AUTS2: variants seen among roughly 807,000 people sequenced by gnomAD.
AUTS2 encodes the protein activator of transcription and developmental regulator AUTS2.
Under a neutral mutation model 112.4 loss-of-function variants are expected in AUTS2, and 17 were observed. The observed-to-expected ratio is 0.15, with a 90% CI of 0.10 to 0.23. AUTS2 has a LOEUF of 0.23. Among genes scored for constraint, AUTS2 ranks in the 10% least tolerant of loss-of-function variants. AUTS2 has a pLI of 1.00. For missense variants in AUTS2, 1,510 were observed against 1,701.6 expected (o/e 0.89, Z 1.98); for synonymous variants, 751 against 702.7 (o/e 1.07, Z -1.09).
chr7:70,763,134 C>T lies in AUTS2; in HGVS notation c.1007C>T (p.Pro336Leu), dbSNP rs758874739. The T allele has an allele frequency of 3.1e-6, 5 of 1,614,028 alleles. No homozygotes were observed. The Admixed American group carries it at 5.0e-5, about 16-fold the overall frequency. Residue 336 changes from proline (P) to leucine (L), a missense_variant, in exon 7 of 19, where the codon CCT becomes CTT. Transcript: ENST00000342771. ...ACAGAGGCCCCACCTCAACCCCCACCTCTGAGTACACAGCCACCACAGGGC... is the reference window on the plus strand; with the variant it reads ...ACAGAGGCCCCACCTCAACCCCCACTTCTGAGTACACAGCCACCACAGGGC... ...QRTEAPPQPP[P>L]LSTQPPQGPP...
intron 2 of AUTS2, among the ~76,000 whole-genome samples, chr7:70,005,202 A>G (rs948161197): frequency 6.6e-6 from 1 of 151,664 alleles, no homozygotes; most frequent in African/African-American, 2.4e-5. Context: ...AACCTGTGAT[A>G]TTTTTTTCTT....
At chr7:69,646,130 A>G (rs1046679299) in intron 1 of AUTS2, among the ~76,000 whole-genome samples, 4 of 152,100 alleles carry the variant, frequency 2.6e-5, no homozygotes, top group African/African-American at 7.2e-5. Context: ...GGGGGTAGGG[A>G]AAGGCCCCCT....
chr7:70,103,076 T>C (rs1804585417), intron 2 of AUTS2, among the ~76,000 whole-genome samples: 1 of 152,244 alleles, frequency 6.6e-6, no homozygotes, highest in South Asian at 2.1e-4. Context: ...TATATCTGTT[T>C]GCTAATTGCT....
At chr7:70,108,993 A>G (rs1442522848) in intron 2 of AUTS2, among the ~76,000 whole-genome samples, 1 of 152,062 alleles carries the variant, frequency 6.6e-6, no homozygotes, top group Non-Finnish European at 1.5e-5. Flanking sequence ...TAGGATGACA[A>G]GGTGTTCCAG....
chr7:69,830,354 A>T (rs1477782801), intron 1 of AUTS2, among the ~76,000 whole-genome samples: 1 of 152,190 alleles, frequency 6.6e-6, no homozygotes, highest in African/African-American at 2.4e-5. Context: ...ACCTATGATT[A>T]CATAGGTATA....
chr7:69,672,287 G>A (rs1295456946), intron 1 of AUTS2, among the ~76,000 whole-genome samples: 1 of 151,954 alleles, frequency 6.6e-6, no homozygotes, highest in Non-Finnish European at 1.5e-5. Context: ...TCGAACTCCC[G>A]ACCTCAGGTG....
chr7:70,271,791 C>T (rs958013575), intron 4 of AUTS2, among the ~76,000 whole-genome samples: 1 of 148,700 alleles, frequency 6.7e-6, no homozygotes, highest in Non-Finnish European at 1.5e-5. Flanking sequence ...GTATGAGTCA[C>T]CACAATTTAT....
At chr7:70,748,169 T>G (rs1017143106) in intron 6 of AUTS2, among the ~76,000 whole-genome samples, 10 of 152,146 alleles carry the variant, frequency 6.6e-5, no homozygotes, top group African/African-American at 1.9e-4. Flanking sequence ...CCATCCTCAC[T>G]GCTTTCTAAA....
chr7:70,425,765 A>T (rs937376805), intron 4 of AUTS2, among the ~76,000 whole-genome samples: 2 of 152,234 alleles, frequency 1.3e-5, no homozygotes, highest in Non-Finnish European at 2.9e-5. Flanking sequence ...TATTCTATCT[A>T]GACTAGAGCC....
intron 4 of AUTS2, among the ~76,000 whole-genome samples, chr7:70,286,704 A>G (rs539675107): frequency 2.0e-5 from 3 of 152,340 alleles, no homozygotes; most frequent in Non-Finnish European, 4.4e-5. Flanking sequence ...ATAAGTGAAG[A>G]GTGGTAGATC....
intron 6 of AUTS2, among the ~76,000 whole-genome samples, chr7:70,740,467 C>T (rs10950213): frequency 2.4e-4 from 36 of 152,064 alleles, no homozygotes; most frequent in Admixed American, 7.9e-4. Flanking sequence ...CATTATGGCT[C>T]TTTATGTCTT....
At chr7:70,375,123 A>G (rs1793026070) in intron 4 of AUTS2, among the ~76,000 whole-genome samples, 1 of 152,214 alleles carries the variant, frequency 6.6e-6, no homozygotes, top group South Asian at 2.1e-4. Context: ...TTCAAGCTTA[A>G]CACTTTCAGA....
intron 4 of AUTS2, among the ~76,000 whole-genome samples, chr7:70,319,890 G>T (rs956276376): frequency 1.9e-4 from 29 of 152,222 alleles, no homozygotes; most frequent in African/African-American, 5.8e-4. Context: ...CCAGACAAAA[G>T]AATACGTAAA....
At chr7:70,001,281 A>G (rs1306459730) in intron 2 of AUTS2, among the ~76,000 whole-genome samples, 1 of 152,028 alleles carries the variant, frequency 6.6e-6, no homozygotes, top group Non-Finnish European at 1.5e-5. Context: ...GTGTGCCACC[A>G]CGCCTATCTA....
chr7:70,712,275 G>A (rs1205442213), intron 6 of AUTS2, among the ~76,000 whole-genome samples: 2 of 131,868 alleles, frequency 1.5e-5, no homozygotes, highest in East Asian at 4.5e-4. Context: ...TCGAACTCCT[G>A]AGCTCAAAAT....
chr7:70,045,144 T>C lies in AUTS2; in HGVS notation c.523-72988T>C, dbSNP rs117079032. Among the ~76,000 whole-genome samples the C allele has an allele frequency of 6.2e-3, 948 of 152,260 alleles. 6 individuals are homozygous for C. The highest frequency in any genetic ancestry group is 0.024 in the South Asian group (116 of 4,814). ...AGAAGGTATTACATAGATGTGATCT[T>C]TTTCATTGTAGTTTAAAGAAGATAG... is the stretch of plus-strand genomic sequence containing the variant. On this transcript the variant is annotated intron_variant, in intron 2 of 18. Transcript: ENST00000342771.
chr7:69,724,377 G>T (rs1786397844), intron 1 of AUTS2, among the ~76,000 whole-genome samples: 2 of 152,188 alleles, frequency 1.3e-5, no homozygotes, highest in Non-Finnish European at 2.9e-5. Flanking sequence ...TTTCAAAGAA[G>T]TTCTTGTTCA....
intron 1 of AUTS2, among the ~76,000 whole-genome samples, chr7:69,651,957 T>G (rs1168051858): frequency 1.3e-5 from 2 of 152,158 alleles, no homozygotes; most frequent in African/African-American, 4.8e-5. Context: ...TTTTCTTTAG[T>G]TTTTAGATTA....
rs1796051377 is a variant in AUTS2, at chr7:69,927,186, T to TA, written c.522+27688_522+27689insA. 7.0e-5 allele frequency among the ~76,000 whole-genome samples: 10 copies of TA among 142,400 alleles called. 1 individual carries two copies. The highest frequency in any genetic ancestry group is 1.8e-4 in the African/African-American group (7 of 39,204). 93.4% of individuals were successfully genotyped at this position (142,400 alleles called of 152,430 possible). On this transcript the variant is annotated intron_variant, in intron 2 of 18. Coordinates refer to ENST00000342771, the MANE Select transcript of AUTS2 (RefSeq NM_015570.4). ...TTGAATGGAAAATACTCCAATATAT[T>TA]TATATATATATATATATATACATAC... is the stretch of plus-strand genomic sequence containing the variant.
Sources: gnomAD v4.1 joint callset for allele counts (sites outside exome capture counted in the v4.1 genomes callset) on GRCh38, gnomAD v4.1.1 for gene constraint, MANE v1.5 for transcripts, NCBI Gene and HGNC (gene_info 2026-07-23, HGNC 2026-07-21) for gene names.